The following PLOD1 variants were observed in gnomAD, a reference collection of about 807,000 sequenced individuals.
The protein encoded by PLOD1 is procollagen-lysine,2-oxoglutarate 5-dioxygenase 1.
PLOD1 carries 70 observed loss-of-function variants against 94.7 expected under a neutral mutation model. The ratio of observed to expected loss-of-function variants is 0.74; its 90% confidence interval spans 0.61 to 0.90. PLOD1 has a LOEUF of 0.90. PLOD1 is among the 40% of genes least tolerant of loss of function. The pLI is 0.00. For synonymous variants in PLOD1, 417 were observed against 400.2 expected (o/e 1.04, Z -0.50); for missense variants, 905 against 972.7 (o/e 0.93, Z 0.93).
At position 11,948,010 on chromosome 1, in the gene PLOD1, G is replaced by A. The variant is rs1441530041; in HGVS notation, c.111G>A (p.Glu37=). The stretch of plus-strand genomic sequence containing the variant: ...TAGTCCTCACGGTGGCCACTAAGGA[G>A]ACCGAGGGATTCCGTCGCTTCAAGC... ...NLLVLTVATK[E]TEGFRRFKRS... Residue 37 remains glutamate, a synonymous_variant, in exon 2 of 19, where the codon GAG becomes GAA. Transcript: ENST00000196061. The A allele has an allele frequency of 1.9e-6, 3 of 1,613,778 alleles. No individual in the cohort carries two copies. Among genetic ancestry groups the A allele is most frequent in the Admixed American group, 1.7e-5 (1 of 59,986 alleles).
chr1:11,970,861 G>T, intron 17 of PLOD1, 45 bp downstream of exon 17: 3 of 1,591,354 alleles, frequency 1.9e-6, no homozygotes, highest in Non-Finnish European at 2.6e-6. Context: ...ACAGTTGGGT[G>T]GGGTGTCAGT....
chr1:11,950,978 G>A (rs1645696726), intron 4 of PLOD1, among the ~76,000 whole-genome samples: 1 of 152,196 alleles, frequency 6.6e-6, no homozygotes, highest in South Asian at 2.1e-4. Flanking sequence ...ATATTTAGTA[G>A]AGATGGGGTA....
In PLOD1 at chr1:11,947,733, T is replaced by C. The variant is rs1475103512; in HGVS notation, c.77-243T>C. Among the ~76,000 whole-genome samples the C allele has an allele frequency of 2.0e-5, 3 of 152,142 alleles. No individual in the cohort carries two copies. The East Asian group carries it at 5.8e-4, about 29-fold the overall frequency. On this transcript the variant is annotated intron_variant, in intron 1 of 18. Transcript: ENST00000196061. ...TGGGGATCACATTTCAATGTGCAAT[T>C]TGGAGGGGACAAATATCCAACTATA...
chr1:11,965,503 C>A lies in PLOD1; in HGVS notation c.1494C>A (p.Asn498Lys). 6.2e-7 allele frequency: 1 copy of A among 1,613,202 alleles called. No homozygotes were observed. The highest frequency in any genetic ancestry group is 8.5e-7 in the Non-Finnish European group (1 of 1,179,438). ...RQQDVFMFLTNRHTLGHLLSL... is the reference protein window; with the variant it reads ...RQQDVFMFLTKRHTLGHLLSL... ...AGGATGTGTTCATGTTCCTGACCAACCGGCACACCCTTGGCCATCTGCTCT... is the reference window on the plus strand; with the variant it reads ...AGGATGTGTTCATGTTCCTGACCAAACGGCACACCCTTGGCCATCTGCTCT... The change falls in exon 14 of 19, where the codon AAC becomes AAA. Residue 498 changes from asparagine to lysine, a missense_variant. Physicochemically the swap from Asn to Lys is moderately conservative, Grantham distance 94. Coordinates refer to ENST00000196061, the MANE Select transcript of PLOD1 (RefSeq NM_000302.4).
chr1:11,972,830 C>G lies in PLOD1; in HGVS notation c.1903-42C>G. ...CTCCTCTCCTGGCCTTTGTGTCCTC[C>G]TTAACTAACACGGGCTCTCTTGTCC... On this transcript the variant is annotated intron_variant, in intron 17 of 18. Transcript: ENST00000196061. The surrounding 1 kb of genome is among the most constrained non-coding windows in gnomAD (Gnocchi z 4.6). The G allele has an allele frequency of 6.2e-7, 1 of 1,613,180 alleles. No homozygotes were observed. Among genetic ancestry groups the G allele is most frequent in the Non-Finnish European group, 8.5e-7 (1 of 1,179,330 alleles).
At chr1:11,969,288 C>T (rs1372234242) in intron 16 of PLOD1, among the ~76,000 whole-genome samples, 4 of 152,112 alleles carry the variant, frequency 2.6e-5, no homozygotes, top group African/African-American at 9.7e-5. Context: ...CGTGCCTGGC[C>T]TCATTTTCTA....
chr1:11,956,946 C>T lies in PLOD1; in HGVS notation c.673C>T (p.His225Tyr). Reference sequence around the variant, plus strand: ...GGTCGTGCTCAAGTTTGAAATGGGCCATGTGAGAGCGAGGAACCTGGCCTA... The same window carrying T: ...GGTCGTGCTCAAGTTTGAAATGGGCTATGTGAGAGCGAGGAACCTGGCCTA... ...DEVVLKFEMG[H>Y]VRARNLAYDT... The change falls in exon 7 of 19, where the codon CAT becomes TAT. Residue 225 changes from histidine (H) to tyrosine (Y), a missense_variant. By Grantham distance (83) the His-to-Tyr change is moderately conservative. Transcript: ENST00000196061. 7 of 1,613,782 alleles carry T rather than the reference C, an allele frequency of 4.3e-6. No individual in the cohort carries two copies. The highest frequency in any genetic ancestry group is 5.9e-6 in the Non-Finnish European group (7 of 1,179,754).
At chr1:11,947,249 AC>A (rs1370836536) in intron 1 of PLOD1, among the ~76,000 whole-genome samples, 2 of 149,774 alleles carry the variant, frequency 1.3e-5, no homozygotes, top group African/African-American at 5.0e-5. Context: ...AAAAAAAAAA[AC>A]AAAAACAAAC....
At chr1:11,962,719 G>A (rs911289937) in intron 10 of PLOD1, among the ~76,000 whole-genome samples, 1 of 151,924 alleles carries the variant, frequency 6.6e-6, no homozygotes, top group Non-Finnish European at 1.5e-5. Context: ...TTCCAGCTTG[G>A]CTGACACAGT....
rs918534085 is a variant in PLOD1, at chr1:11,972,192, C to CCCTTCCTT, written c.1903-668_1903-661dup. The CCCTTCCTT allele has an allele frequency of 6.6e-6, 1 of 150,718 alleles. No individual in the cohort carries two copies. The highest frequency in any genetic ancestry group is 1.5e-5 in the Non-Finnish European group (1 of 67,976). The allele number at this position is 150,718 out of a possible 1,614,324, so 9.3% of individuals were successfully genotyped here. A position where few individuals can be genotyped will look rare whatever the true frequency, so the allele number is the denominator to read the frequency against. On this transcript the variant is annotated intron_variant, in intron 17 of 18. Transcript: ENST00000196061. The surrounding 1 kb of genome is among the most constrained non-coding windows in gnomAD (Gnocchi z 4.6). The stretch of plus-strand genomic sequence containing the variant: ...TCATTCATTCCTTCGTTCCTTTCTT[C>CCCTTCCTT]CCTTCCTTCCTTCCTTCCTCTCTCT...
At chr1:11,966,223 A>T in intron 14 of PLOD1, 28 bp from the exon 15 acceptor site, 1 of 1,563,064 alleles carries the variant, frequency 6.4e-7, no homozygotes, top group Non-Finnish European at 8.8e-7. Context: ...AATGGTGAGG[A>T]CCCTAGCCTG....
In PLOD1 at chr1:11,952,650, G is replaced by C; in HGVS notation, c.494G>C (p.Ser165Thr). 6.2e-7 allele frequency: 1 copy of C among 1,614,112 alleles called. No homozygotes were observed. Among genetic ancestry groups the C allele is most frequent in the Non-Finnish European group, 8.5e-7 (1 of 1,179,960 alleles). Residue 165 changes from serine (S) to threonine (T), a missense_variant, in exon 5 of 19, where the codon AGC (serine) becomes ACC (threonine). By Grantham distance (58) the Ser-to-Thr change is moderately conservative. Coordinates refer to ENST00000196061, the MANE Select transcript of PLOD1 (RefSeq NM_000302.4). ...GGFIGYAPNLSKLVAEWEGQD... is the reference protein window; with the variant it reads ...GGFIGYAPNLTKLVAEWEGQD... Reference sequence around the variant, plus strand: ...TTCATCGGTTATGCCCCCAACCTCAGCAAACTGGTGGCCGAGTGGGAGGGC... The same window carrying C: ...TTCATCGGTTATGCCCCCAACCTCACCAAACTGGTGGCCGAGTGGGAGGGC...
At position 11,967,067 on chromosome 1, in the gene PLOD1, C is replaced by T; in HGVS notation, c.1731C>T (p.Gly577=). The change falls in exon 16 of 19, where the codon GGC becomes GGT. Residue 577 remains glycine (G), a synonymous_variant. Coordinates refer to ENST00000196061, the MANE Select transcript of PLOD1 (RefSeq NM_000302.4). ...DELVEEMEHF[G]QWSLGNNKDN... ...TGGTGGAGGAGATGGAGCACTTTGG[C>T]CAGTGGTCTCTGGGCAACAACAAGG... 6.2e-7 allele frequency: 1 copy of T among 1,612,606 alleles called. No homozygotes were observed. The highest frequency in any genetic ancestry group is 1.3e-5 in the African/African-American group (1 of 75,000).
At position 11,970,772 on chromosome 1, in the gene PLOD1, A is replaced by C; in HGVS notation, c.1858A>C (p.Ile620Leu). 3.1e-6 allele frequency: 5 copies of C among 1,610,386 alleles called. No homozygotes were observed. The highest frequency in any genetic ancestry group is 4.2e-6 in the Non-Finnish European group (5 of 1,179,448). ...REWHKFLLEY[I>L]APMTEKLYPG... ...GTGGCACAAATTCCTGCTGGAGTAC[A>C]TTGCGCCCATGACGGAGAAGCTCTA... Residue 620 changes from isoleucine (I) to leucine (L), a missense_variant, in exon 17 of 19, where the codon ATT becomes CTT. By Grantham distance (5) the Ile-to-Leu change is conservative. Coordinates refer to ENST00000196061, the MANE Select transcript of PLOD1 (RefSeq NM_000302.4).
At position 11,958,770 on chromosome 1, in the gene PLOD1, C is replaced by T; in HGVS notation, c.975+123C>T. The T allele has an allele frequency of 1.8e-6, 2 of 1,122,338 alleles. No homozygotes were observed. The highest frequency in any genetic ancestry group is 1.9e-5 in the Admixed American group (1 of 51,742). The allele number at this position is 1,122,338 out of a possible 1,614,324, so 69.5% of individuals were successfully genotyped here. On this transcript the variant is annotated intron_variant, in intron 9 of 18. Transcript: ENST00000196061. This position sits in a 1 kb window ranked among gnomAD's most constrained non-coding sequence, Gnocchi z 4.3. Reference sequence around the variant, plus strand: ...GCTTATCTGGGCCAAATGACAATCACCAGTGGACTGTGTCCCCAAATCACT... The same window carrying T: ...GCTTATCTGGGCCAAATGACAATCATCAGTGGACTGTGTCCCCAAATCACT...
Position 11,949,158 on chromosome 1 carries a change from G to C in PLOD1, c.169-615G>C, listed in dbSNP as rs536279200. ...CCCCAGTTTCTCAACTTCAGCAGAA[G>C]GAGACAGGCTTTCCTTTTTAGGAAA... On this transcript the variant is annotated intron_variant, in intron 2 of 18. Transcript: ENST00000196061. Among the ~76,000 whole-genome samples the C allele has an allele frequency of 3.3e-5, 5 of 152,296 alleles. 1 individual carries two copies. The highest frequency in any genetic ancestry group is 3.3e-4 in the Admixed American group (5 of 15,296).
chr1:11,944,422 TAC>T (rs5772479), intron 1 of PLOD1: 53,685 of 464,890 alleles, frequency 0.12, 755 homozygotes, highest in African/African-American at 0.18. Context: ...CATGCACGCG[TAC>T]ACACACACAC....
In PLOD1 at chr1:11,950,449, T is replaced by A; in HGVS notation, c.395T>A (p.Ile132Asn). 6.2e-7 allele frequency: 1 copy of A among 1,614,166 alleles called. No individual in the cohort carries two copies. Among genetic ancestry groups the A allele is most frequent in the Non-Finnish European group, 8.5e-7 (1 of 1,180,000 alleles). Reference protein sequence around the residue: ...SQVVFSAEELIYPDRRLETKY... With the variant: ...SQVVFSAEELNYPDRRLETKY... Reference sequence around the variant, plus strand: ...GTGGTCTTCTCTGCTGAGGAGCTCATCTACCCAGACCGCAGGCTGGAGACC... The same window carrying A: ...GTGGTCTTCTCTGCTGAGGAGCTCAACTACCCAGACCGCAGGCTGGAGACC... The change falls in exon 4 of 19, where the codon ATC (isoleucine) becomes AAC (asparagine). Residue 132 changes from isoleucine (I) to asparagine (N), a missense_variant. Transcript: ENST00000196061.
Position 11,963,647 on chromosome 1 carries a change from T to A in PLOD1, c.1202+11T>A. ...GATCCAACAGAACAAGTGAGGCTGCTCCGTCTGCACCCAGCACTGCTCAGG... is the reference window on the plus strand; with the variant it reads ...GATCCAACAGAACAAGTGAGGCTGCACCGTCTGCACCCAGCACTGCTCAGG... On this transcript the variant is annotated intron_variant, in intron 11 of 18. Coordinates refer to ENST00000196061, the MANE Select transcript of PLOD1 (RefSeq NM_000302.4). This position sits in a 1 kb window ranked among gnomAD's most constrained non-coding sequence, Gnocchi z 4.3. 2.6e-6 allele frequency: 4 copies of A among 1,559,982 alleles called. No homozygotes were observed. The highest frequency in any genetic ancestry group is 2.6e-6 in the Non-Finnish European group (3 of 1,145,126).
Sources: allele counts gnomAD v4.1 joint callset (sites outside exome capture counted in the v4.1 genomes callset), GRCh38; gene constraint gnomAD v4.1.1; non-coding constraint Gnocchi (gnomAD v3.1); transcripts MANE v1.5; gene names NCBI Gene and HGNC (gene_info 2026-07-23, HGNC 2026-07-21).